UBE3D: variants seen among roughly 807,000 people sequenced by gnomAD.
The protein encoded by UBE3D is E3 ubiquitin-protein ligase E3D.
A neutral mutation model predicts 49.6 loss-of-function variants in UBE3D; 48 were observed. The observed-to-expected ratio is 0.97, with a 90% CI of 0.77 to 1.23. UBE3D has a LOEUF of 1.23. Among genes scored for constraint, UBE3D ranks in the 50% most tolerant of loss-of-function variants. The pLI is 0.00. For synonymous variants in UBE3D, 189 were observed against 174.2 expected (o/e 1.08, Z -0.67); for missense variants, 452 against 468.4 (o/e 0.96, Z 0.32).
chr6:83,052,573 A>G (rs1783540987), intron 3 of UBE3D, among the ~76,000 whole-genome samples: 1 of 152,130 alleles, frequency 6.6e-6, no homozygotes, highest in Non-Finnish European at 1.5e-5. Flanking sequence ...AGGGTGAAAA[A>G]ATATCATGAA....
At chr6:82,982,827 T>C (rs1347973444) in intron 8 of UBE3D, among the ~76,000 whole-genome samples, 1 of 152,170 alleles carries the variant, frequency 6.6e-6, no homozygotes, top group Non-Finnish European at 1.5e-5. Context: ...CACTGGAATC[T>C]GCCTATGAAA....
chr6:83,013,200 T>C (rs1461598417), intron 8 of UBE3D, among the ~76,000 whole-genome samples: 1 of 152,216 alleles, frequency 6.6e-6, no homozygotes, highest in Non-Finnish European at 1.5e-5. Context: ...CAGTTCATGA[T>C]AGTCAGTTCA....
chr6:83,020,040 T>C (rs1158770181), intron 7 of UBE3D, among the ~76,000 whole-genome samples: 1 of 152,186 alleles, frequency 6.6e-6, no homozygotes, highest in Non-Finnish European at 1.5e-5. Flanking sequence ...CAGTATGGGG[T>C]CTGGGTGGCA....
At chr6:82,980,042 C>T (rs1778006266) in intron 8 of UBE3D, among the ~76,000 whole-genome samples, 1 of 152,016 alleles carries the variant, frequency 6.6e-6, no homozygotes, top group South Asian at 2.1e-4. Context: ...GTGAGTAGTG[C>T]TGGAATAAAC....
At chr6:83,011,483 T>C (rs1371616064) in intron 8 of UBE3D, among the ~76,000 whole-genome samples, 2 of 152,136 alleles carry the variant, frequency 1.3e-5, no homozygotes, top group African/African-American at 4.8e-5. Context: ...GCTGTTGTAG[T>C]TTCCCATTGA....
chr6:82,975,937 G>A (rs958148355), intron 8 of UBE3D, among the ~76,000 whole-genome samples: 1 of 152,094 alleles, frequency 6.6e-6, no homozygotes, highest in Non-Finnish European at 1.5e-5. Flanking sequence ...GACTACTTGA[G>A]GTGATCTGAG....
Position 83,065,656 on chromosome 6 carries a change from C to A in UBE3D, c.63G>T (p.Ala21=), listed in dbSNP as rs1228167180. ...CCAGTTCTTACCCCAGGATCAGAAG[C>A]GCGCTCTGCAGCTGTCCCCGCACCT... ...FLEVRGQLQS[A]LLILGEPKEG... is the part of the protein sequence containing the mutation. Residue 21 remains alanine (A), a synonymous_variant, in exon 1 of 10, where the codon GCG becomes GCT. Coordinates refer to ENST00000369747, the MANE Select transcript of UBE3D (RefSeq NM_198920.3). The A allele has an allele frequency of 6.2e-7, 1 of 1,613,772 alleles. No individual in the cohort carries two copies. The highest frequency in any genetic ancestry group is 1.3e-5 in the African/African-American group (1 of 74,930).
At chr6:83,064,975 C>G (rs755543662) in intron 1 of UBE3D, among the ~76,000 whole-genome samples, 8 of 152,174 alleles carry the variant, frequency 5.3e-5, no homozygotes, top group Non-Finnish European at 8.8e-5. Flanking sequence ...AAGGGGACCA[C>G]AAATCATTAA....
intron 9 of UBE3D, among the ~76,000 whole-genome samples, chr6:82,923,206 TG>T (rs1319075083): frequency 1.3e-5 from 2 of 152,238 alleles, no homozygotes; most frequent in African/African-American, 4.8e-5. Context: ...ATCCCATTAC[TG>T]GGTATATACC....
At chr6:82,991,021 T>C in intron 8 of UBE3D, among the ~76,000 whole-genome samples, 1 of 152,214 alleles carries the variant, frequency 6.6e-6, no homozygotes, top group Non-Finnish European at 1.5e-5. Context: ...ATAGGGTTAC[T>C]GCTTCCAAGA....
downstream of UBE3D, among the ~76,000 whole-genome samples, chr6:82,887,401 T>G (rs933478339): frequency 4.1e-5 from 6 of 146,644 alleles, no homozygotes; most frequent in Non-Finnish European, 9.0e-5. Flanking sequence ...TTTTTTTTTT[T>G]TTTTTTTTTT....
chr6:83,006,833 C>T (rs1157406236), intron 8 of UBE3D, among the ~76,000 whole-genome samples: 1 of 152,026 alleles, frequency 6.6e-6, no homozygotes, highest in Admixed American at 6.6e-5. Flanking sequence ...TTTTGGAGAT[C>T]TGTTTCACAA....
At chr6:82,946,742 T>A (rs946432955) in intron 9 of UBE3D, among the ~76,000 whole-genome samples, 3 of 151,928 alleles carry the variant, frequency 2.0e-5, no homozygotes, top group African/African-American at 7.2e-5. Context: ...ACAACAAAAA[T>A]TAAAAAGTTA....
At chr6:83,020,273 A>T (rs915710233) in intron 7 of UBE3D, among the ~76,000 whole-genome samples, 2 of 152,170 alleles carry the variant, frequency 1.3e-5, no homozygotes, top group Admixed American at 6.5e-5. Flanking sequence ...TTAAACTAAT[A>T]AAAACAATCC....
intron 8 of UBE3D, among the ~76,000 whole-genome samples, chr6:82,976,262 C>T (rs548699923): frequency 2.0e-5 from 3 of 152,272 alleles, no homozygotes; most frequent in African/African-American, 7.2e-5. Flanking sequence ...CCATAATAGC[C>T]TGGTGCTATG....
At chr6:82,884,341 G>A in the UBE3D span, among the ~76,000 whole-genome samples, 27,657 of 152,004 alleles carry the variant, frequency 0.18, 3,073 homozygotes, top group Admixed American at 0.37. Flanking sequence ...GGCAGCAGTG[G>A]AGATCATCAG....
chr6:82,936,704 A>G (rs1774602982), intron 9 of UBE3D, among the ~76,000 whole-genome samples: 1 of 152,196 alleles, frequency 6.6e-6, no homozygotes, highest in Admixed American at 6.5e-5. Context: ...TAAGCCCCTA[A>G]TTGAAGCCCC....
At chr6:83,043,147 T>C (rs970747561) in intron 4 of UBE3D, among the ~76,000 whole-genome samples, 2 of 152,338 alleles carry the variant, frequency 1.3e-5, no homozygotes, top group Admixed American at 6.5e-5. Context: ...ACATAACTGA[T>C]AAAGATGTAA....
chr6:82,937,516 T>C (rs1774670945), intron 9 of UBE3D, among the ~76,000 whole-genome samples: 2 of 152,188 alleles, frequency 1.3e-5, no homozygotes, highest in South Asian at 4.1e-4. Context: ...AACACAGCCA[T>C]GCTCAGTGTG....
Sources: gnomAD v4.1 joint callset for allele counts (sites outside exome capture counted in the v4.1 genomes callset) on GRCh38, gnomAD v4.1.1 for gene constraint, MANE v1.5 for transcripts, NCBI Gene and HGNC (gene_info 2026-07-23, HGNC 2026-07-21) for gene names.